The following CATSPERD variants were observed in gnomAD, a reference collection of about 807,000 sequenced individuals.
The protein encoded by CATSPERD is catsper channel auxiliary subunit delta.
Under a neutral mutation model 98.1 loss-of-function variants are expected in CATSPERD, and 86 were observed. The ratio of observed to expected loss-of-function variants is 0.88; its 90% confidence interval spans 0.74 to 1.05. The LOEUF is 1.05. Ranked by LOEUF, CATSPERD falls within the 50% of genes least tolerant of loss-of-function variation. The pLI is 0.00. For synonymous variants in CATSPERD, 394 were observed against 390.2 expected, an observed-to-expected ratio of 1.01 and a Z score of -0.12; for missense variants, 995 against 1,005.7, an observed-to-expected ratio of 0.99 and a Z score of 0.14.
At chr19:5,762,058 A>ATATATATATATATTTTTTT in intron 15 of CATSPERD, among the ~76,000 whole-genome samples, 12 of 10,436 alleles carry the variant, frequency 1.1e-3, no homozygotes, top group African/African-American at 3.3e-3. Context: ...ATATATATAT[A>ATATATATATATATTTTTTT]TTTTTTTTTT....
chr19:5,762,281 C>T (rs1167203458), intron 15 of CATSPERD, among the ~76,000 whole-genome samples: 1 of 150,796 alleles, frequency 6.6e-6, no homozygotes, highest in African/African-American at 2.4e-5. Flanking sequence ...CCAGAATGGT[C>T]TCGAACTCCT....
intron 21 of CATSPERD, among the ~76,000 whole-genome samples, chr19:5,778,139 G>A (rs111998644): frequency 5.3e-5 from 8 of 150,086 alleles, no homozygotes; most frequent in Admixed American, 3.3e-4. Flanking sequence ...TTCAGGAGGC[G>A]GAGGTTGCAA....
At chr19:5,737,437 CTGTAGT>C (rs2055869632) in intron 6 of CATSPERD, among the ~76,000 whole-genome samples, 1 of 151,122 alleles carries the variant, frequency 6.6e-6, no homozygotes, top group African/African-American at 2.4e-5. Flanking sequence ...TGACATGTGC[CTGTAGT>C]CCCAGCCACA....
chr19:5,759,874 G>A (rs1452310361), intron 15 of CATSPERD, among the ~76,000 whole-genome samples: 3 of 151,762 alleles, frequency 2.0e-5, no homozygotes, highest in Admixed American at 6.6e-5. Flanking sequence ...TCAGGAGTTC[G>A]AGACCAGCCT....
At chr19:5,727,438 C>T (rs888007594) in intron 3 of CATSPERD, 94 bp downstream of exon 3, 16 of 954,412 alleles carry the variant, frequency 1.7e-5, no homozygotes, top group Non-Finnish European at 2.2e-5. Context: ...AAGAAGATGG[C>T]TCTGCCGTGT....
In CATSPERD at chr19:5,763,761, C is replaced by T. The variant is rs528931094; in HGVS notation, c.1506+468C>T. Among the ~76,000 whole-genome samples the T allele has an allele frequency of 1.0e-3, 156 of 149,650 alleles. 1 individual carries two copies. Among genetic ancestry groups the T allele is most frequent in the African/African-American group, 3.7e-3 (151 of 40,874 alleles). ...TGGTCTCCCAAAGCTCCCACACTTA[C>T]AGGCGTGAGCCACTGTGCCTGGGCC... On this transcript the variant is annotated intron_variant, in intron 16 of 21. Coordinates refer to ENST00000381624, the MANE Select transcript of CATSPERD (RefSeq NM_152784.4).
rs533392847 is a variant in CATSPERD, at chr19:5,755,480, T to G, written c.1278+1235T>G. 2.0e-5 allele frequency among the ~76,000 whole-genome samples: 3 copies of G among 152,184 alleles called. No homozygotes were observed. The South Asian group carries it at 6.2e-4, about 32-fold the overall frequency. Reference sequence around the variant, plus strand: ...ACTATTAGTATAGTATTCAATAAATTACATGAGGGCCGGGCGCGGTGGCTC... The same window carrying G: ...ACTATTAGTATAGTATTCAATAAATGACATGAGGGCCGGGCGCGGTGGCTC... On this transcript the variant is annotated intron_variant, in intron 13 of 21. Transcript: ENST00000381624.
intron 5 of CATSPERD, 38 bp downstream of exon 5, chr19:5,734,008 T>A: frequency 1.6e-6 from 2 of 1,286,162 alleles, no homozygotes; most frequent in Non-Finnish European, 2.2e-6. Flanking sequence ...TGTTTGAGTG[T>A]AGTCAACATG....
In CATSPERD at chr19:5,772,836, A is replaced by C. The variant is rs201554169; in HGVS notation, c.1812A>C (p.Leu604Phe). 34 of 1,613,870 alleles carry C rather than the reference A, an allele frequency of 2.1e-5. No individual in the cohort carries two copies. Among genetic ancestry groups the C allele is most frequent in the Non-Finnish European group, 1.7e-6 (2 of 1,179,968 alleles). Residue 604 changes from leucine to phenylalanine, a missense_variant, in exon 20 of 22, where the codon TTA becomes TTC. Leu to Phe is a conservative substitution (Grantham distance 22). Transcript: ENST00000381624. ...FQEVIDAEYV[L>F]LEVNGQFSYS... ...AGGTCATCGACGCCGAGTATGTGTT[A>C]CTGGAGGTGAACGGGCAGTTCTCAT...
Position 5,733,917 on chromosome 19 carries a change from A to T in CATSPERD, c.338A>T (p.Asp113Val). ...GGTTCGTTATTGCTGTTAGTAGTGG[A>T]TCAAAAAGTCTATATTTATGATTAT... ...FAGSLLLLVV[D>V]QKVYIYDYEN... Residue 113 changes from aspartate to valine, a missense_variant, in exon 5 of 22, where the codon GAT (aspartate) becomes GTT (valine). Asp to Val is a radical substitution (Grantham distance 152, BLOSUM62 -3). Coordinates refer to ENST00000381624, the MANE Select transcript of CATSPERD (RefSeq NM_152784.4). 1 of 1,612,426 alleles carries T rather than the reference A, an allele frequency of 6.2e-7. No individual in the cohort carries two copies. The highest frequency in any genetic ancestry group is 8.5e-7 in the Non-Finnish European group (1 of 1,179,512).
At chr19:5,749,308 A>G in intron 11 of CATSPERD, 125 bp downstream of exon 11, 5 of 519,174 alleles carry the variant, frequency 9.6e-6, no homozygotes, top group Non-Finnish European at 1.6e-5. Flanking sequence ...CCTTGCCAAC[A>G]TGGTGAAACC....
chr19:5,744,572 A>C, intron 8 of CATSPERD, 62 bp downstream of exon 8: 1 of 1,094,812 alleles, frequency 9.1e-7, no homozygotes, highest in Non-Finnish European at 1.3e-6. Flanking sequence ...GGTTTTTGTT[A>C]CAACTCGCAC....
At chr19:5,740,069 G>A (rs1213612154) in intron 7 of CATSPERD, among the ~76,000 whole-genome samples, 2 of 151,996 alleles carry the variant, frequency 1.3e-5, no homozygotes, top group African/African-American at 4.8e-5. Context: ...ATCACCTGAG[G>A]TTGGGAGTTC....
chr19:5,749,033 C>G, intron 10 of CATSPERD, 68 bp from the exon 11 acceptor site: 2 of 1,394,672 alleles, frequency 1.4e-6, no homozygotes, highest in Non-Finnish European at 2.0e-6. Flanking sequence ...CCCAACCACA[C>G]TTATGTTTTT....
chr19:5,721,654 CTTATT>C (rs1398811935), intron 1 of CATSPERD, among the ~76,000 whole-genome samples: 23 of 151,958 alleles, frequency 1.5e-4, no homozygotes, highest in East Asian at 7.8e-4. Flanking sequence ...ATTCCTTAAC[CTTATT>C]TTATTTTATT....
intron 21 of CATSPERD, among the ~76,000 whole-genome samples, chr19:5,778,151 G>A (rs1319207701): frequency 6.7e-6 from 1 of 149,986 alleles, no homozygotes; most frequent in Admixed American, 6.7e-5. Flanking sequence ...AGGTTGCAAT[G>A]AGCCGAGATC....
rs1342185401 is a variant in CATSPERD at position 5,739,340 on chromosome 19, G to T, written c.474G>T (p.Leu158Phe). 3 of 1,527,840 alleles carry T rather than the reference G, an allele frequency of 2.0e-6. No individual in the cohort carries two copies. Among genetic ancestry groups the T allele is most frequent in the South Asian group, 1.2e-5 (1 of 85,408 alleles). 94.6% of individuals were successfully genotyped at this position (1,527,840 alleles called of 1,614,324 possible). ...TTTTTTTATAGCATGTCAGTAATTT[G>T]GTTTTTGCATATTTCCGTGGAGATC... is the stretch of plus-strand genomic sequence containing the variant. ...GSLFCVHVSN[L>F]VFAYFRGDQI... is the part of the protein sequence containing the mutation. The change falls in exon 7 of 22, where the codon TTG becomes TTT. Residue 158 changes from leucine (L) to phenylalanine (F), a missense_variant. Physicochemically the swap from Leu to Phe is conservative, Grantham distance 22. Coordinates refer to ENST00000381624, the MANE Select transcript of CATSPERD (RefSeq NM_152784.4).
intron 4 of CATSPERD, among the ~76,000 whole-genome samples, chr19:5,731,119 A>G (rs1479907963): frequency 6.6e-6 from 1 of 151,722 alleles, no homozygotes; most frequent in African/African-American, 2.4e-5. Flanking sequence ...GAGCCCCCCA[A>G]ATTGTCCTAA....
chr19:5,737,031 T>C (rs2055860461), intron 5 of CATSPERD, 107 bp from the exon 6 acceptor site: 1 of 625,998 alleles, frequency 1.6e-6, no homozygotes, highest in East Asian at 3.3e-5. Context: ...CACTTCAGCC[T>C]GGGCGACAGA....
Sources: allele counts gnomAD v4.1 joint callset (sites outside exome capture counted in the v4.1 genomes callset), GRCh38; gene constraint gnomAD v4.1.1; transcripts MANE v1.5; gene names NCBI Gene and HGNC (gene_info 2026-07-23, HGNC 2026-07-21).